The following MYH14 variants were observed in gnomAD, a reference collection of about 807,000 sequenced individuals.
The protein encoded by MYH14 is myosin-14.
Under a neutral mutation model 255.5 loss-of-function variants are expected in MYH14, and 123 were observed. The ratio of observed to expected loss-of-function variants is 0.48; its 90% CI spans 0.42 to 0.56. MYH14 has a LOEUF of 0.56. MYH14 is among the 20% of genes least tolerant of loss of function. MYH14 has a pLI of 0.00. For synonymous variants in MYH14, 1,095 were observed against 1,161.2 expected (o/e 0.94, Z 1.16); for missense variants, 2,423 against 2,802.3 (o/e 0.86, Z 3.06).
intron 34 of MYH14, 100 bp downstream of exon 34, chr19:50,286,794 A>C: frequency 8.6e-7 from 1 of 1,163,458 alleles, no homozygotes. Context: ...ACCAGCCATC[A>C]AAGTCATATG....
intron 2 of MYH14, among the ~76,000 whole-genome samples, chr19:50,214,144 C>A (rs1346890663): frequency 6.6e-6 from 1 of 152,110 alleles, no homozygotes; most frequent in African/African-American, 2.4e-5. Flanking sequence ...CACATTAAAC[C>A]CTCTGCATGC....
chr19:50,288,493 G>T (rs1201044739), intron 34 of MYH14, among the ~76,000 whole-genome samples: 1 of 152,148 alleles, frequency 6.6e-6, no homozygotes, highest in Non-Finnish European at 1.5e-5. Context: ...AGGCCCTTGT[G>T]GGAAACAGGA....
chr19:50,284,500 T>C (rs2035825568), intron 33 of MYH14, among the ~76,000 whole-genome samples: 1 of 152,134 alleles, frequency 6.6e-6, no homozygotes, highest in African/African-American at 2.4e-5. Context: ...ACCAAGTAGC[T>C]GGGATTACAG....
chr19:50,281,752 G>T lies in MYH14; in HGVS notation c.4449G>T (p.Leu1483=), dbSNP rs1049869290. Residue 1483 remains leucine, a synonymous_variant, in exon 33 of 43, where the codon CTG becomes CTT. Coordinates refer to ENST00000642316, the MANE Select transcript of MYH14 (RefSeq NM_001145809.2). ...GGCTGGAGCGGGGCCGCCGCCGGCT[G>T]CAGCAGGAGCTGGACGACGCCACCA... The part of the protein sequence containing the change: ...VDRLERGRRR[L]QQELDDATMD... 3 of 1,612,364 alleles carry T rather than the reference G, an allele frequency of 1.9e-6. No homozygotes were observed. The highest frequency in any genetic ancestry group is 4.5e-5 in the East Asian group (2 of 44,866).
intron 2 of MYH14, among the ~76,000 whole-genome samples, chr19:50,215,663 T>G (rs1459829635): frequency 1.3e-5 from 2 of 151,814 alleles, no homozygotes; most frequent in East Asian, 3.9e-4. Context: ...AGTAAAAATT[T>G]TAAAAATTGG....
intron 8 of MYH14, among the ~76,000 whole-genome samples, chr19:50,230,000 C>G (rs1204969818): frequency 2.6e-5 from 4 of 152,120 alleles, no homozygotes; most frequent in African/African-American, 4.8e-5. Context: ...CTGCAACCTC[C>G]TCCTCCCGGG....
At position 50,220,369 on chromosome 19, in the gene MYH14, A is replaced by T. The variant is rs557924300; in HGVS notation, c.562+2598A>T. Among the ~76,000 whole-genome samples, 7 of 45,880 alleles carry T rather than the reference A, an allele frequency of 1.5e-4. No homozygotes were observed. In the East Asian group the frequency reaches 5.9e-3, roughly 39 times the overall value. 30.1% of individuals were successfully genotyped at this position (45,880 alleles called of 152,430 possible). The stretch of plus-strand genomic sequence containing the variant: ...TAAGTATTTTATTTTATTATACTTT[A>T]TTTTTATTATACTTCATTTTTATTT... On this transcript the variant is annotated intron_variant, in intron 3 of 42. Coordinates refer to ENST00000642316, the MANE Select transcript of MYH14 (RefSeq NM_001145809.2).
Position 50,230,523 on chromosome 19 carries a change from A to G in MYH14, c.875-2A>G. 6.4e-7 allele frequency: 1 copy of G among 1,559,504 alleles called. No homozygotes were observed. The highest frequency in any genetic ancestry group is 2.4e-5 in the East Asian group (1 of 41,590). On this transcript the variant is annotated splice_acceptor_variant, in intron 8 of 42. Coordinates refer to ENST00000642316, the MANE Select transcript of MYH14 (RefSeq NM_001145809.2). LOFTEE classifies it high-confidence loss of function. This position sits in a 1 kb window ranked among gnomAD's most constrained non-coding sequence, Gnocchi z 4.7. ...TCTAGCACCTTGACTCGCTGTGTCCAGACCTGCTGGAGAAGTCGCGGGCCA... is the reference window on the plus strand; with the variant it reads ...TCTAGCACCTTGACTCGCTGTGTCCGGACCTGCTGGAGAAGTCGCGGGCCA...
rs1368585770 is a variant in MYH14, at chr19:50,230,521, C to T, written c.875-4C>T. 5 of 1,558,618 alleles carry T rather than the reference C, an allele frequency of 3.2e-6. No individual in the cohort carries two copies. Among genetic ancestry groups the T allele is most frequent in the Non-Finnish European group, 4.3e-6 (5 of 1,151,606 alleles). On this transcript the variant is annotated splice_polypyrimidine_tract_variant and splice_region_variant and intron_variant, in intron 8 of 42. Transcript: ENST00000642316. The surrounding 1 kb of genome is among the most constrained non-coding windows in gnomAD (Gnocchi z 4.7). ...CCTCTAGCACCTTGACTCGCTGTGT[C>T]CAGACCTGCTGGAGAAGTCGCGGGC...
intron 27 of MYH14, 31 bp from the exon 28 acceptor site, chr19:50,275,960 G>C (rs369924253): frequency 3.9e-5 from 62 of 1,578,758 alleles, no homozygotes; most frequent in Non-Finnish European, 5.1e-5. Context: ...GCCTGCCCCT[G>C]TATCAACTCC....
rs926918683 is a variant in MYH14 at position 50,266,816 on chromosome 19, C to G, written c.2695-61C>G. 11 of 1,548,732 alleles carry G rather than the reference C, an allele frequency of 7.1e-6. No individual in the cohort carries two copies. In the African/African-American group the frequency reaches 9.6e-5, roughly 13 times the overall value. On this transcript the variant is annotated intron_variant, in intron 22 of 42. Coordinates refer to ENST00000642316, the MANE Select transcript of MYH14 (RefSeq NM_001145809.2). This position sits in a 1 kb window ranked among gnomAD's most constrained non-coding sequence, Gnocchi z 4.1. ...TTTGAACCCAGAAACTCAAACCCCA[C>G]TAAGAGTGTGAGGTCTTGGCGCCTG...
chr19:50,296,213 A>G (rs374101301), intron 39 of MYH14, among the ~76,000 whole-genome samples: 26 of 152,310 alleles, frequency 1.7e-4, no homozygotes, highest in African/African-American at 6.3e-4. Context: ...ATACAGATCC[A>G]GTCTCTCTGA....
chr19:50,279,535 A>G (rs977960963), intron 30 of MYH14, among the ~76,000 whole-genome samples: 6 of 152,192 alleles, frequency 3.9e-5, no homozygotes, highest in African/African-American at 1.4e-4. Context: ...TGGGAGGCTA[A>G]GGCAGGAGAA....
At chr19:50,265,987 T>C (rs946562282) in intron 22 of MYH14, among the ~76,000 whole-genome samples, 4 of 151,998 alleles carry the variant, frequency 2.6e-5, no homozygotes, top group East Asian at 1.9e-4. Context: ...ATTTGAGAAA[T>C]GTGAATGATA....
chr19:50,211,619 T>G (rs995198930), intron 2 of MYH14, among the ~76,000 whole-genome samples: 7 of 152,144 alleles, frequency 4.6e-5, no homozygotes, highest in Admixed American at 2.6e-4. Flanking sequence ...CACAGAGAGT[T>G]CAAGGTCACA....
intron 33 of MYH14, among the ~76,000 whole-genome samples, chr19:50,283,873 G>T (rs761791784): frequency 9.9e-5 from 15 of 152,154 alleles, no homozygotes; most frequent in Non-Finnish European, 1.8e-4. Context: ...GGGAGTTTGA[G>T]ACCAGCCTGA....
chr19:50,309,551 C>T, intron 42 of MYH14, 89 bp from the exon 43 acceptor site: 1 of 840,604 alleles, frequency 1.2e-6, no homozygotes, highest in Non-Finnish European at 1.9e-6. Flanking sequence ...CTCTCTCTCT[C>T]TCCCCCTCAT....
chr19:50,248,709 C>T (rs775508531), intron 12 of MYH14, among the ~76,000 whole-genome samples: 5 of 152,228 alleles, frequency 3.3e-5, no homozygotes, highest in African/African-American at 9.6e-5. Flanking sequence ...CCAGAGTCCA[C>T]GCTCTTAACC....
intron 8 of MYH14, among the ~76,000 whole-genome samples, chr19:50,229,708 G>C (rs1327404471): frequency 6.6e-6 from 1 of 152,148 alleles, no homozygotes; most frequent in African/African-American, 2.4e-5. Context: ...AGTTTGACAC[G>C]TGACTTTCTT....
Sources: allele counts gnomAD v4.1 joint callset (sites outside exome capture counted in the v4.1 genomes callset), GRCh38; gene constraint gnomAD v4.1.1; non-coding constraint Gnocchi (gnomAD v3.1); transcripts MANE v1.5; gene names NCBI Gene and HGNC (gene_info 2026-07-23, HGNC 2026-07-21).